Variants in DCAF8L2 observed in about 807,000 individuals in gnomAD.
DCAF8L2 encodes DDB1 and CUL4 associated factor 8 like 2, also known as DDB1- and CUL4-associated factor 8-like protein 2.
For missense variants in DCAF8L2, 430 were observed against 490.7 expected (o/e 0.88, Z 1.17); for synonymous variants, 200 against 190.9 (o/e 1.05, Z -0.39).
At chrX:27,524,426 T>C in the DCAF8L2 span, among the ~76,000 whole-genome samples, 9 of 111,152 alleles carry the variant, frequency 8.1e-5, no homozygotes, top group South Asian at 1.1e-3. Flanking sequence ...CTCTTTTCTT[T>C]TTTATTAGTC....
chrX:27,547,891 T>TCTTTCCCTCTC, the DCAF8L2 span, among the ~76,000 whole-genome samples: 1 of 57,194 alleles, frequency 1.7e-5, no homozygotes, highest in Non-Finnish European at 3.3e-5. Context: ...CTCTCTCTCT[T>TCTTTCCCTCTC]TCTCTCTCTC....
chrX:27,537,346 G>A, the DCAF8L2 span, among the ~76,000 whole-genome samples: 1 of 112,108 alleles, frequency 8.9e-6, no homozygotes, highest in South Asian at 3.7e-4. Context: ...TAAAAGTGTG[G>A]TAGTAAATCA....
intron 1 of DCAF8L2, among the ~76,000 whole-genome samples, chrX:27,601,861 G>C (rs1022243983): frequency 2.7e-5 from 3 of 111,231 alleles, no homozygotes; most frequent in Non-Finnish European, 5.6e-5. Flanking sequence ...GGGGTACCAA[G>C]TCCTGTGTAT....
chrX:27,522,430 T>C, the DCAF8L2 span, among the ~76,000 whole-genome samples: 2 of 112,623 alleles, frequency 1.8e-5, no homozygotes, highest in African/African-American at 6.4e-5. Context: ...CTTTCTGTTA[T>C]TGTTATAATT....
chrX:27,485,924 C>CTCT, the DCAF8L2 span, among the ~76,000 whole-genome samples: 74 of 58,832 alleles, frequency 1.3e-3, no homozygotes, highest in Non-Finnish European at 1.7e-3. Context: ...TTCTTTTTCT[C>CTCT]TTTTTTTTTT....
chrX:27,641,576 G>A (rs1437963922), intron 2 of DCAF8L2, among the ~76,000 whole-genome samples: 2 of 107,054 alleles, frequency 1.9e-5, no homozygotes, highest in African/African-American at 6.8e-5. Flanking sequence ...GGTTCAAGCA[G>A]TTTTCCTGCC....
intron 1 of DCAF8L2, among the ~76,000 whole-genome samples, chrX:27,619,050 A>ATC (rs1454510374): frequency 1.1e-5 from 1 of 92,183 alleles, no homozygotes; most frequent in African/African-American, 4.1e-5. Context: ...TATCTATCTT[A>ATC]TATCTATCTA....
chrX:27,647,939 A>G (rs1929004401), intron 2 of DCAF8L2, among the ~76,000 whole-genome samples: 1 of 111,660 alleles, frequency 9.0e-6, no homozygotes, highest in Admixed American at 9.6e-5. Flanking sequence ...TAGTCCATAA[A>G]ATTCTATACC....
At position 27,748,747 on chromosome X, in the gene DCAF8L2, T is replaced by C; in HGVS notation, c.1852T>C (p.Ser618Pro). The C allele has an allele frequency of 8.3e-7, 1 of 1,205,543 alleles. No homozygotes were observed. The highest frequency in any genetic ancestry group is 1.1e-6 in the Non-Finnish European group (1 of 892,129). ...TGAGTCTTCCAGCACTTCAGAGACA[T>C]CTGAGGAGGAGGTCCAAGACCGAGT... ...SDESSSTSET[S>P]EEEVQDRVQC... The change falls in exon 5 of 5, where the codon TCT (serine) becomes CCT (proline). Residue 618 changes from serine to proline, a missense_variant. Ser to Pro is a moderately conservative substitution (Grantham distance 74, BLOSUM62 -1). Transcript: ENST00000451261.
chrX:27,602,124 C>G (rs1926674656), intron 1 of DCAF8L2, among the ~76,000 whole-genome samples: 1 of 111,089 alleles, frequency 9.0e-6, no homozygotes, highest in Non-Finnish European at 1.9e-5. Context: ...TAGCGCAAGT[C>G]TCCCGGGTTC....
the DCAF8L2 span, among the ~76,000 whole-genome samples, chrX:27,528,023 A>G: frequency 2.5e-5 from 1 of 40,083 alleles, no homozygotes; most frequent in African/African-American, 5.4e-5. Flanking sequence ...TTAATTAATT[A>G]TTAAATTAAA....
chrX:27,538,274 A>G, the DCAF8L2 span, among the ~76,000 whole-genome samples: 1 of 112,285 alleles, frequency 8.9e-6, no homozygotes, highest in Non-Finnish European at 1.9e-5. Context: ...TTTTAGTACC[A>G]CAACTCTTTG....
At chrX:27,743,849 C>T (rs1380908958) in intron 4 of DCAF8L2, among the ~76,000 whole-genome samples, 1 of 108,989 alleles carries the variant, frequency 9.2e-6, no homozygotes, top group Non-Finnish European at 1.9e-5. Context: ...CTTCCCACCT[C>T]AGCCTCCCAA....
chrX:27,520,213 TTCA>T, the DCAF8L2 span, among the ~76,000 whole-genome samples: 1 of 111,913 alleles, frequency 8.9e-6, no homozygotes, highest in South Asian at 3.7e-4. Context: ...ACAACTTGAT[TTCA>T]AGGTTTGATT....
intron 2 of DCAF8L2, among the ~76,000 whole-genome samples, chrX:27,641,473 CTT>C (rs779757306): frequency 0.016 from 742 of 45,439 alleles, 11 homozygotes; most frequent in African/African-American, 0.042. Context: ...CTTTACTTTT[CTT>C]TTTTTTTTTT....
intron 2 of DCAF8L2, among the ~76,000 whole-genome samples, chrX:27,636,110 C>T (rs1006082213): frequency 2.7e-5 from 3 of 111,242 alleles, no homozygotes. Flanking sequence ...AGCCACCGTG[C>T]CCGGCCAGAA....
At chrX:27,634,522 G>A (rs891145194) in intron 2 of DCAF8L2, among the ~76,000 whole-genome samples, 1 of 110,276 alleles carries the variant, frequency 9.1e-6, no homozygotes, top group African/African-American at 3.3e-5. Flanking sequence ...TTAACCTCTC[G>A]GTGCCTTGGT....
chrX:27,570,754 A>T, the DCAF8L2 span, among the ~76,000 whole-genome samples: 1 of 112,103 alleles, frequency 8.9e-6, no homozygotes, highest in African/African-American at 3.2e-5. Flanking sequence ...GTATGTTTAC[A>T]AATTTTCTCT....
chrX:27,637,835 A>G (rs1397476707), intron 2 of DCAF8L2, among the ~76,000 whole-genome samples: 2 of 111,993 alleles, frequency 1.8e-5, no homozygotes, highest in African/African-American at 6.5e-5. Context: ...TCTCCAGGTA[A>G]TATTCCCCAT....
Sources: gnomAD v4.1 joint callset for allele counts (sites outside exome capture counted in the v4.1 genomes callset) on GRCh38, gnomAD v4.1.1 for gene constraint, MANE v1.5 for transcripts, NCBI Gene and HGNC (gene_info 2026-07-23, HGNC 2026-07-21) for gene names.